PPP2R5E: variants seen among roughly 807,000 people sequenced by gnomAD.
The protein encoded by PPP2R5E is serine/threonine-protein phosphatase 2A 56 kDa regulatory subunit epsilon isoform.
A neutral mutation model predicts 65.3 loss-of-function variants in PPP2R5E; 4 were observed. The ratio of observed to expected loss-of-function variants is 0.06; its 90% CI spans 0.03 to 0.14. The LOEUF (loss-of-function observed/expected upper bound fraction) is 0.14. Ranked by LOEUF, PPP2R5E falls within the 10% of genes least tolerant of loss-of-function variation. The pLI is 1.00. For missense variants in PPP2R5E, 274 were observed against 556.1 expected (o/e 0.49, Z 5.10); for synonymous variants, 183 against 187.4 (o/e 0.98, Z 0.19).
At chr14:63,439,276 G>A (rs192483824) in intron 3 of PPP2R5E, among the ~76,000 whole-genome samples, 1 of 151,782 alleles carries the variant, frequency 6.6e-6, no homozygotes, top group Non-Finnish European at 1.5e-5. Flanking sequence ...TAGAGTTATA[G>A]TATAATAACA....
At chr14:63,470,923 G>A (rs1363445432) in intron 2 of PPP2R5E, among the ~76,000 whole-genome samples, 1 of 151,882 alleles carries the variant, frequency 6.6e-6, no homozygotes, top group African/African-American at 2.4e-5. Flanking sequence ...TACCATTAAT[G>A]CACCCTGATA....
chr14:63,422,259 C>T (rs1887065555), intron 3 of PPP2R5E, among the ~76,000 whole-genome samples, 165 bp from the exon 4 acceptor site: 2 of 152,158 alleles, frequency 1.3e-5, no homozygotes, highest in South Asian at 4.2e-4. Context: ...GGACCACCTC[C>T]AGGCAAGCTG....
intron 3 of PPP2R5E, among the ~76,000 whole-genome samples, chr14:63,449,237 G>T (rs964987511): frequency 2.6e-5 from 4 of 152,090 alleles, no homozygotes; most frequent in African/African-American, 9.7e-5. Context: ...CCAACAGGCA[G>T]GATCATCTTG....
At chr14:63,439,085 G>A (rs926528407) in intron 3 of PPP2R5E, among the ~76,000 whole-genome samples, 2 of 151,844 alleles carry the variant, frequency 1.3e-5, no homozygotes, top group African/African-American at 4.8e-5. Flanking sequence ...ACAAAAAAAA[G>A]CTTTCAGGTT....
At chr14:63,481,292 T>C (rs1317261727) in intron 2 of PPP2R5E, among the ~76,000 whole-genome samples, 1 of 151,620 alleles carries the variant, frequency 6.6e-6, no homozygotes, top group Admixed American at 6.6e-5. Context: ...AGGTCAGGAG[T>C]TCGAGACCAG....
At chr14:63,394,101 C>T (rs558976957) in intron 7 of PPP2R5E, among the ~76,000 whole-genome samples, 173 bp from the exon 8 acceptor site, 15 of 106,718 alleles carry the variant, frequency 1.4e-4, no homozygotes, top group African/African-American at 4.0e-4. Context: ...TTTTTTGAGA[C>T]AGAGTCATCT....
intron 2 of PPP2R5E, chr14:63,508,174 T>A: frequency 1.0e-6 from 1 of 985,622 alleles, no homozygotes; most frequent in Non-Finnish European, 1.2e-6. Context: ...CATTACCAAG[T>A]GTGTGCTCTT....
chr14:63,397,276 C>T (rs779022681), intron 5 of PPP2R5E, among the ~76,000 whole-genome samples: 5 of 152,074 alleles, frequency 3.3e-5, no homozygotes, highest in Non-Finnish European at 5.9e-5. Flanking sequence ...CCAAGGCAGG[C>T]GCATCACCTG....
intron 7 of PPP2R5E, among the ~76,000 whole-genome samples, chr14:63,394,835 C>A (rs1274760557): frequency 6.6e-6 from 1 of 152,228 alleles, no homozygotes; most frequent in Non-Finnish European, 1.5e-5. Flanking sequence ...CCTGGATACA[C>A]AACTCCTTTG....
At chr14:63,473,653 A>T (rs1342953798) in intron 2 of PPP2R5E, among the ~76,000 whole-genome samples, 2 of 152,256 alleles carry the variant, frequency 1.3e-5, no homozygotes, top group African/African-American at 4.8e-5. Context: ...TGATGCAATC[A>T]GACTCAAGAG....
intron 7 of PPP2R5E, among the ~76,000 whole-genome samples, chr14:63,394,176 G>T (rs1384211994): frequency 6.7e-6 from 1 of 150,124 alleles, no homozygotes; most frequent in Non-Finnish European, 1.5e-5. Flanking sequence ...TCGCCTCCGG[G>T]ATTCAAGCTA....
intron 3 of PPP2R5E, among the ~76,000 whole-genome samples, chr14:63,443,165 A>G (rs1888318750): frequency 6.6e-6 from 1 of 152,232 alleles, no homozygotes; most frequent in Non-Finnish European, 1.5e-5. Context: ...ATTTGAGAGT[A>G]GGAAAAAACA....
chr14:63,453,028 A>G (rs923040985), intron 3 of PPP2R5E: 5 of 152,252 alleles, frequency 3.3e-5, no homozygotes, highest in African/African-American at 1.2e-4. Context: ...ACTCTCCCAC[A>G]GAAATCTATC....
At position 63,375,826 on chromosome 14, in the gene PPP2R5E, T is replaced by G. The variant is rs1169450361; in HGVS notation, c.*183A>C. Reference sequence around the variant, plus strand: ...AGAAGTCCATCTACTGTCCAAACTTTGGATTGAAGTCCTTATTTTGTTTTT... The same window carrying G: ...AGAAGTCCATCTACTGTCCAAACTTGGGATTGAAGTCCTTATTTTGTTTTT... On this transcript the variant is annotated 3_prime_UTR_variant, in exon 14 of 14. Transcript: ENST00000337537. 2 of 409,848 alleles carry G rather than the reference T, an allele frequency of 4.9e-6. No homozygotes were observed. Among genetic ancestry groups the G allele is most frequent in the Non-Finnish European group, 8.6e-6 (2 of 231,622 alleles). The allele number at this position is 409,848 out of a possible 1,614,324, so 25.4% of individuals were successfully genotyped here.
chr14:63,484,138 G>A (rs1890856067), intron 2 of PPP2R5E, among the ~76,000 whole-genome samples: 1 of 151,524 alleles, frequency 6.6e-6, no homozygotes, highest in South Asian at 2.1e-4. Flanking sequence ...CCAAAGCAAT[G>A]AAGCTCAGGC....
At chr14:63,506,218 C>T (rs1238548382) in intron 2 of PPP2R5E, among the ~76,000 whole-genome samples, 1 of 152,040 alleles carries the variant, frequency 6.6e-6, no homozygotes, top group Non-Finnish European at 1.5e-5. Context: ...TGGGAGGCCG[C>T]GGCGGGTGGA....
intron 2 of PPP2R5E, among the ~76,000 whole-genome samples, chr14:63,511,871 G>T (rs1892466274): frequency 6.6e-6 from 1 of 151,942 alleles, no homozygotes; most frequent in Non-Finnish European, 1.5e-5. Context: ...ATGAGGTTAG[G>T]AGTTTGAGAC....
intron 4 of PPP2R5E, among the ~76,000 whole-genome samples, chr14:63,416,481 A>C (rs765643037): frequency 6.6e-4 from 100 of 152,280 alleles, no homozygotes; most frequent in Middle Eastern, 6.8e-3. Context: ...CCCTCTGCAC[A>C]ATGACTAACA....
At chr14:63,418,013 C>G (rs1433133486) in intron 4 of PPP2R5E, among the ~76,000 whole-genome samples, 1 of 152,152 alleles carries the variant, frequency 6.6e-6, no homozygotes, top group Non-Finnish European at 1.5e-5. Context: ...TAGGGATTCA[C>G]GTTAGCATTT....
Sources: allele counts gnomAD v4.1 joint callset (sites outside exome capture counted in the v4.1 genomes callset), GRCh38; gene constraint gnomAD v4.1.1; transcripts MANE v1.5; gene names NCBI Gene and HGNC (gene_info 2026-07-23, HGNC 2026-07-21).